Variants in ASPRV1 observed in about 807,000 individuals in gnomAD.
ASPRV1 encodes the protein aspartic peptidase retroviral like 1.
Under a neutral mutation model 11.0 loss-of-function variants are expected in ASPRV1, and 7 were observed. The ratio of observed to expected loss-of-function variants is 0.64; its 90% confidence interval spans 0.36 to 1.20. The LOEUF is 1.20. Ranked by LOEUF, ASPRV1 falls within the 50% of genes most tolerant of loss-of-function variation. The probability of loss-of-function intolerance (pLI) is 0.02; values close to 1 mark genes in which losing one functional copy is unlikely to be tolerated. For missense variants in ASPRV1, 299 were observed against 320.0 expected (o/e 0.93, Z 0.50); for synonymous variants, 136 against 138.4 (o/e 0.98, Z 0.12).
At chr2:70,007,238 C>T in the ASPRV1 span, among the ~76,000 whole-genome samples, 5 of 152,198 alleles carry the variant, frequency 3.3e-5, no homozygotes, top group South Asian at 2.1e-4. Context: ...CTACTTAAGC[C>T]GGGCGCAGGT....
the ASPRV1 span, among the ~76,000 whole-genome samples, chr2:69,989,804 T>C: frequency 6.6e-6 from 1 of 152,382 alleles, no homozygotes; most frequent in African/African-American, 2.4e-5. Context: ...CTGTGCTTTC[T>C]ATGCTGGGCT....
chr2:69,944,856 T>C, the ASPRV1 span, among the ~76,000 whole-genome samples: 1 of 151,996 alleles, frequency 6.6e-6, no homozygotes, highest in Non-Finnish European at 1.5e-5. Context: ...TAAACCAGCA[T>C]GCTCTCAAAG....
At chr2:69,956,529 A>AAGG (rs1374993507), downstream of ASPRV1, among the ~76,000 whole-genome samples, 1 of 146,294 alleles carries the variant, frequency 6.8e-6, no homozygotes, top group Non-Finnish European at 1.5e-5. Context: ...GGAGGAGGAG[A>AAGG]AGGAGGAGGA....
the ASPRV1 span, among the ~76,000 whole-genome samples, chr2:70,003,942 C>A: frequency 6.6e-6 from 1 of 152,144 alleles, no homozygotes; most frequent in African/African-American, 2.4e-5. Context: ...CAAAGCCCCT[C>A]GATCTTGGAC....
chr2:69,974,034 G>T, the ASPRV1 span, among the ~76,000 whole-genome samples: 383 of 152,226 alleles, frequency 2.5e-3, no homozygotes, highest in Admixed American at 4.9e-3. Flanking sequence ...AAAGAATAAA[G>T]AATAATAAAA....
the ASPRV1 span, among the ~76,000 whole-genome samples, chr2:70,005,336 AG>A: frequency 2.6e-5 from 4 of 152,182 alleles, no homozygotes; most frequent in African/African-American, 9.6e-5. Flanking sequence ...CTGGGCTTAT[AG>A]GAGTGAGCCA....
chr2:70,008,718 G>A, the ASPRV1 span, among the ~76,000 whole-genome samples: 1 of 151,736 alleles, frequency 6.6e-6, no homozygotes, highest in African/African-American at 2.4e-5. Flanking sequence ...TTCCAATGTG[G>A]CCCAGGGAAG....
At chr2:70,003,429 G>T in the ASPRV1 span, 3 of 152,402 alleles carry the variant, frequency 2.0e-5, no homozygotes, top group South Asian at 6.2e-4. Context: ...GTTTGCCACT[G>T]TTAACAAAAG....
chr2:70,042,599 G>A, the ASPRV1 span, among the ~76,000 whole-genome samples: 2 of 152,168 alleles, frequency 1.3e-5, no homozygotes, highest in Non-Finnish European at 2.9e-5. Context: ...GTCATTCAGG[G>A]CATAGAACAC....
the ASPRV1 span, among the ~76,000 whole-genome samples, chr2:69,989,218 A>T: frequency 1.3e-5 from 2 of 152,136 alleles, no homozygotes; most frequent in African/African-American, 2.4e-5. Flanking sequence ...TGGCTGAGTC[A>T]CCTCTGGTCT....
the ASPRV1 span, among the ~76,000 whole-genome samples, chr2:69,954,462 A>C: frequency 6.6e-6 from 1 of 152,210 alleles, no homozygotes; most frequent in Non-Finnish European, 1.5e-5. Flanking sequence ...GTTTCCTCCA[A>C]GAATATTAAT....
chr2:70,079,184 A>G, the ASPRV1 span, among the ~76,000 whole-genome samples: 67 of 152,348 alleles, frequency 4.4e-4, no homozygotes, highest in African/African-American at 5.8e-4. Flanking sequence ...ATAGTTGGAT[A>G]TAAGTCTTGA....
At chr2:69,973,777 T>C in the ASPRV1 span, among the ~76,000 whole-genome samples, 1 of 152,244 alleles carries the variant, frequency 6.6e-6, no homozygotes, top group East Asian at 1.9e-4. Context: ...TGGCAAAACA[T>C]ACATTTAAGT....
the ASPRV1 span, among the ~76,000 whole-genome samples, chr2:70,054,587 T>G: frequency 6.6e-6 from 1 of 150,728 alleles, no homozygotes; most frequent in African/African-American, 2.4e-5. Flanking sequence ...AATAAATAAA[T>G]AAATAAATAA....
At chr2:69,935,093 A>G in the ASPRV1 span, among the ~76,000 whole-genome samples, 2 of 152,246 alleles carry the variant, frequency 1.3e-5, no homozygotes, top group Non-Finnish European at 2.9e-5. Flanking sequence ...GTGAATGACT[A>G]TATAATAGCA....
the ASPRV1 span, among the ~76,000 whole-genome samples, chr2:70,021,304 G>C: frequency 7.3e-5 from 11 of 151,284 alleles, no homozygotes; most frequent in Admixed American, 6.6e-4. Flanking sequence ...TGTTCTGTAC[G>C]CAAGATGAAT....
the ASPRV1 span, among the ~76,000 whole-genome samples, chr2:70,065,093 TCAAAA>T: frequency 1.1e-4 from 16 of 149,952 alleles, no homozygotes; most frequent in Middle Eastern, 3.5e-3. Flanking sequence ...AGACTCCATC[TCAAAA>T]CAAAACAAAA....
At chr2:70,074,843 G>A in the ASPRV1 span, among the ~76,000 whole-genome samples, 4 of 151,352 alleles carry the variant, frequency 2.6e-5, no homozygotes, top group South Asian at 2.1e-4. Context: ...GGGGCCAGGC[G>A]CAGTGGCTCA....
At chr2:70,075,677 T>C in the ASPRV1 span, among the ~76,000 whole-genome samples, 1 of 151,848 alleles carries the variant, frequency 6.6e-6, no homozygotes, top group Non-Finnish European at 1.5e-5. Context: ...AGAAACCCTG[T>C]CTCTACTAAA....
Sources: allele counts gnomAD v4.1 joint callset (sites outside exome capture counted in the v4.1 genomes callset), GRCh38; gene constraint gnomAD v4.1.1; transcripts MANE v1.5; gene names NCBI Gene and HGNC (gene_info 2026-07-23, HGNC 2026-07-21).